The following PDE4D variants were observed in gnomAD, a reference collection of about 807,000 sequenced individuals.
PDE4D encodes the protein phosphodiesterase 4D.
In PDE4D, 24 loss-of-function variants were observed where a neutral mutation model predicts 87.4. That is an observed-to-expected ratio of 0.27 (90% confidence interval 0.20 to 0.39). PDE4D has a LOEUF of 0.39. Ranked by LOEUF, PDE4D falls within the 10% of genes least tolerant of loss-of-function variation. The pLI, the probability that PDE4D is intolerant of heterozygous loss-of-function variation, is 1.00. For synonymous variants in PDE4D, 384 were observed against 383.2 expected, an observed-to-expected ratio of 1.00 and a Z score of -0.02; for missense variants, 714 against 1,041.0, an observed-to-expected ratio of 0.69 and a Z score of 4.32.
intron 1 of PDE4D, among the ~76,000 whole-genome samples, chr5:59,242,324 T>C (rs926039782): frequency 6.6e-6 from 1 of 152,120 alleles, no homozygotes; most frequent in Non-Finnish European, 1.5e-5. Flanking sequence ...CACTTCTTAA[T>C]GGGTTCTCTA....
intron 1 of PDE4D, among the ~76,000 whole-genome samples, chr5:59,562,037 T>G (rs1183508283): frequency 1.3e-5 from 2 of 152,238 alleles, no homozygotes; most frequent in East Asian, 3.8e-4. Context: ...GCTGGCTACT[T>G]ACTGCCTTCC....
At chr5:59,600,275 T>TTC (rs1561297917) in intron 1 of PDE4D, among the ~76,000 whole-genome samples, 1 of 152,160 alleles carries the variant, frequency 6.6e-6, no homozygotes, top group African/African-American at 2.4e-5. Context: ...CACTACTCAG[T>TTC]TCTCTCTCTC....
rs1385292454 is a variant in PDE4D at position 58,973,624 on chromosome 5, C to CAACA, written c.*1036_*1039dup. ...TTATATATCTCCCACTTGCTTCAGA[C>CAACA]AACACGAACTGATGACTGAGTTTGC... On this transcript the variant is annotated 3_prime_UTR_variant, in exon 15 of 15. Transcript: ENST00000340635. 1 of 152,534 alleles carries CAACA rather than the reference C, an allele frequency of 6.6e-6. No individual in the cohort carries two copies. Among genetic ancestry groups the CAACA allele is most frequent in the Non-Finnish European group, 1.5e-5 (1 of 68,024 alleles). 9.4% of individuals were successfully genotyped at this position (152,534 alleles called of 1,614,324 possible). A position where few individuals can be genotyped will look rare whatever the true frequency, so the allele number is the denominator to read the frequency against.
rs567169037 is a variant in PDE4D, at chr5:60,051,818, A to G, written c.43-63101T>C. Among the ~76,000 whole-genome samples, 4 of 152,308 alleles carry G rather than the reference A, an allele frequency of 2.6e-5. No individual in the cohort carries two copies. The East Asian group carries it at 7.7e-4, about 29-fold the overall frequency. ...GCCAGACTAATAAAGAAGAAAAGAG[A>G]GAAGAATCAAATAGACACAATAAAA... On this transcript the variant is annotated intron_variant, in intron 2 of 16. Coordinates refer to the PDE4D transcript ENST00000502484.
intron 1 of PDE4D, among the ~76,000 whole-genome samples, chr5:59,448,482 T>C (rs777720457): frequency 6.6e-5 from 10 of 152,216 alleles, no homozygotes; most frequent in Non-Finnish European, 1.3e-4. Flanking sequence ...AGTATCATTA[T>C]AACAATAATA....
At chr5:59,116,960 T>C (rs970114756) in intron 5 of PDE4D, among the ~76,000 whole-genome samples, 1 of 152,206 alleles carries the variant, frequency 6.6e-6, no homozygotes. Flanking sequence ...TTCAAATAAC[T>C]AACAACAGCT....
intron 3 of PDE4D, among the ~76,000 whole-genome samples, chr5:59,188,933 A>C (rs542111422): frequency 6.6e-6 from 1 of 152,294 alleles, no homozygotes; most frequent in East Asian, 1.9e-4. Context: ...ATTAAGGCTA[A>C]AGAAAAGCTA....
At chr5:60,322,367 T>TACACACACACACACACACACACAC (rs60232413) in intron 1 of PDE4D, among the ~76,000 whole-genome samples, 1 of 132,724 alleles carries the variant, frequency 7.5e-6, no homozygotes, top group Non-Finnish European at 1.6e-5. Flanking sequence ...TGGACACACA[T>TACACACACACACACACACACACAC]ACACACACAC....
chr5:58,981,867 C>A (rs528187861), intron 11 of PDE4D, among the ~76,000 whole-genome samples: 4 of 152,240 alleles, frequency 2.6e-5, no homozygotes, highest in Admixed American at 2.0e-4. Context: ...CCTAAGGGAT[C>A]TCCTTATTCC....
chr5:60,490,450 T>A (rs1749471634), upstream of PDE4D: 1 of 152,154 alleles, frequency 6.6e-6, no homozygotes, highest in South Asian at 2.1e-4. Flanking sequence ...AACAAAGCAA[T>A]GGAAAAGGAA....
intron 2 of PDE4D, among the ~76,000 whole-genome samples, chr5:60,056,946 A>C (rs1241233362): frequency 6.6e-6 from 1 of 152,054 alleles, no homozygotes; most frequent in African/African-American, 2.4e-5. Context: ...ATTTATTTGG[A>C]TGACACATTT....
chr5:60,295,413 A>G (rs990396979), intron 1 of PDE4D, among the ~76,000 whole-genome samples: 1 of 152,218 alleles, frequency 6.6e-6, no homozygotes, highest in African/African-American at 2.4e-5. Context: ...AGTCATTACT[A>G]CCTTGTTCCC....
intron 1 of PDE4D, among the ~76,000 whole-genome samples, chr5:59,887,345 G>A (rs1164181562): frequency 1.3e-5 from 2 of 152,024 alleles, no homozygotes; most frequent in Admixed American, 1.3e-4. Flanking sequence ...TTATTCTTCG[G>A]GAAAAATCAG....
chr5:59,172,371 T>A (rs1292699365), intron 5 of PDE4D, among the ~76,000 whole-genome samples: 1 of 135,088 alleles, frequency 7.4e-6, no homozygotes, highest in African/African-American at 2.7e-5. Context: ...ATATTATATA[T>A]AATATATATT....
intron 1 of PDE4D, among the ~76,000 whole-genome samples, chr5:59,729,749 T>G (rs1208639318): frequency 6.6e-6 from 1 of 152,086 alleles, no homozygotes; most frequent in Non-Finnish European, 1.5e-5. Flanking sequence ...TATATACATC[T>G]TAATCTTTTG....
intron 1 of PDE4D, among the ~76,000 whole-genome samples, chr5:59,574,128 TTA>T (rs1219370587): frequency 0.03 from 115 of 3,788 alleles, 1 homozygote; most frequent in East Asian, 0.2. Flanking sequence ...AAATATATAT[TTA>T]TATATATATA....
At chr5:60,303,571 T>G (rs966268091) in intron 1 of PDE4D, among the ~76,000 whole-genome samples, 2 of 152,094 alleles carry the variant, frequency 1.3e-5, no homozygotes, top group Admixed American at 1.3e-4. Flanking sequence ...CCTCCCAAAG[T>G]GCTGGGATTA....
intron 1 of PDE4D, among the ~76,000 whole-genome samples, chr5:59,850,710 G>A (rs1744546143): frequency 1.3e-5 from 2 of 151,930 alleles, no homozygotes; most frequent in South Asian, 4.1e-4. Flanking sequence ...TTATAACCGT[G>A]GGAGGAGTCA....
At chr5:60,299,196 A>G (rs553810307) in intron 1 of PDE4D, among the ~76,000 whole-genome samples, 100 of 152,340 alleles carry the variant, frequency 6.6e-4, no homozygotes, top group Non-Finnish European at 1.0e-3. Context: ...TGCTGTGACC[A>G]ACTTGTCACT....
Sources: allele counts gnomAD v4.1 joint callset (sites outside exome capture counted in the v4.1 genomes callset), GRCh38; gene constraint gnomAD v4.1.1; transcripts MANE v1.5; gene names NCBI Gene and HGNC (gene_info 2026-07-23, HGNC 2026-07-21).